Variants in KHDRBS2 observed in about 807,000 individuals in gnomAD.
KHDRBS2 encodes the protein KH domain-containing, RNA-binding, signal transduction-associated protein 2.
In KHDRBS2, 26 loss-of-function variants were observed where a neutral mutation model predicts 44.3. That is an observed-to-expected ratio of 0.59 (90% CI 0.43 to 0.81). The LOEUF is 0.81. KHDRBS2 is among the 40% of genes least tolerant of loss of function. The pLI is 0.00. For synonymous variants in KHDRBS2, 194 were observed against 151.1 expected (o/e 1.28, Z -2.08); for missense variants, 476 against 433.1 (o/e 1.10, Z -0.88).
intron 4 of KHDRBS2, among the ~76,000 whole-genome samples, chr6:61,917,106 G>A (rs1187337519): frequency 2.7e-5 from 4 of 150,072 alleles, no homozygotes; most frequent in African/African-American, 9.8e-5. Context: ...CTATCCAAAC[G>A]AGTTGAAAAC....
intron 6 of KHDRBS2, among the ~76,000 whole-genome samples, chr6:61,844,062 G>C (rs990224930): frequency 6.6e-6 from 1 of 152,076 alleles, no homozygotes; most frequent in Non-Finnish European, 1.5e-5. Context: ...TAGGGTACAG[G>C]GATGAAGGAG....
chr6:61,916,981 T>C lies in KHDRBS2; in HGVS notation c.484-15610A>G, dbSNP rs559444677. On this transcript the variant is annotated intron_variant, in intron 4 of 8. Transcript: ENST00000281156. ...GAACTCTGTATTTTTTTTTTTTTTTTTTTTTTTTGCTGGTGGGGATTCAAA... is the reference window on the plus strand; with the variant it reads ...GAACTCTGTATTTTTTTTTTTTTTTCTTTTTTTTGCTGGTGGGGATTCAAA... 2.0e-5 allele frequency among the ~76,000 whole-genome samples: 3 copies of C among 149,728 alleles called. No homozygotes were observed. In the East Asian group the frequency reaches 5.9e-4, roughly 29 times the overall value.
chr6:61,551,128 G>A, the KHDRBS2 span, among the ~76,000 whole-genome samples: 11 of 152,008 alleles, frequency 7.2e-5, no homozygotes, highest in Non-Finnish European at 1.0e-4. Context: ...TTAGTGATAA[G>A]CACTTTTTTC....
chr6:61,760,479 A>G (rs535261676), intron 6 of KHDRBS2, among the ~76,000 whole-genome samples: 8 of 152,114 alleles, frequency 5.3e-5, no homozygotes, highest in African/African-American at 1.9e-4. Flanking sequence ...CAAAAAATAC[A>G]AAAACTAGCT....
chr6:62,030,829 C>T (rs1784211996), intron 3 of KHDRBS2, among the ~76,000 whole-genome samples: 1 of 152,004 alleles, frequency 6.6e-6, no homozygotes, highest in African/African-American at 2.4e-5. Flanking sequence ...CACACAAAGA[C>T]ATATATAAAT....
the KHDRBS2 span, among the ~76,000 whole-genome samples, chr6:61,555,943 A>G: frequency 6.6e-6 from 1 of 152,216 alleles, no homozygotes; most frequent in African/African-American, 2.4e-5. Context: ...TCTAAAGGAC[A>G]GTGTTAGCCA....
At chr6:62,274,544 A>G (rs1225375525) in intron 1 of KHDRBS2, among the ~76,000 whole-genome samples, 2 of 152,190 alleles carry the variant, frequency 1.3e-5, no homozygotes, top group Non-Finnish European at 2.9e-5. Context: ...ACCAATTTGA[A>G]TAAATATTCT....
chr6:61,565,889 T>C, the KHDRBS2 span, among the ~76,000 whole-genome samples: 1 of 151,078 alleles, frequency 6.6e-6, no homozygotes, highest in Non-Finnish European at 1.5e-5. Flanking sequence ...GAAATCAGTA[T>C]ATTGAAGAGA....
intron 4 of KHDRBS2, among the ~76,000 whole-genome samples, chr6:61,914,402 C>T (rs551228252): frequency 4.0e-5 from 6 of 151,426 alleles, no homozygotes; most frequent in African/African-American, 1.5e-4. Context: ...AGCAAACTAT[C>T]GCAAGGACAA....
chr6:62,280,812 C>G (rs1841690127), intron 1 of KHDRBS2, among the ~76,000 whole-genome samples: 1 of 152,100 alleles, frequency 6.6e-6, no homozygotes, highest in Non-Finnish European at 1.5e-5. Flanking sequence ...AAGGATTTAA[C>G]TACAGAATGA....
intron 2 of KHDRBS2, among the ~76,000 whole-genome samples, chr6:62,104,832 T>C (rs1802775835): frequency 6.6e-6 from 1 of 151,822 alleles, no homozygotes; most frequent in African/African-American, 2.4e-5. Context: ...TAGATAATAA[T>C]AGAGTAAAAT....
At chr6:61,957,564 G>T (rs185521253) in intron 4 of KHDRBS2, among the ~76,000 whole-genome samples, 5 of 152,248 alleles carry the variant, frequency 3.3e-5, no homozygotes, top group Admixed American at 1.3e-4. Flanking sequence ...CCGGTCTCCC[G>T]TAGTGCTCCC....
At chr6:61,700,430 G>C (rs1324968350) in intron 7 of KHDRBS2, among the ~76,000 whole-genome samples, 1 of 149,458 alleles carries the variant, frequency 6.7e-6, no homozygotes, top group South Asian at 2.1e-4. Flanking sequence ...GAGCATACTA[G>C]ATATTTGTAA....
At chr6:61,811,648 G>T (rs995300745) in intron 6 of KHDRBS2, among the ~76,000 whole-genome samples, 4 of 152,078 alleles carry the variant, frequency 2.6e-5, no homozygotes, top group African/African-American at 9.7e-5. Context: ...GTCTGACCGT[G>T]TGAGTGAACC....
intron 2 of KHDRBS2, among the ~76,000 whole-genome samples, chr6:62,052,031 C>T (rs1480811775): frequency 6.6e-6 from 1 of 151,240 alleles, no homozygotes; most frequent in Non-Finnish European, 1.5e-5. Flanking sequence ...TTGTAGACTG[C>T]CCATGGGAAT....
At chr6:62,059,934 G>A (rs1162454246) in intron 2 of KHDRBS2, among the ~76,000 whole-genome samples, 1 of 151,784 alleles carries the variant, frequency 6.6e-6, no homozygotes, top group Non-Finnish European at 1.5e-5. Flanking sequence ...TGTATCATAT[G>A]ACAATTATGT....
At chr6:62,247,442 C>A (rs1369166385) in intron 1 of KHDRBS2, among the ~76,000 whole-genome samples, 2 of 151,798 alleles carry the variant, frequency 1.3e-5, no homozygotes, top group Non-Finnish European at 2.9e-5. Flanking sequence ...AAATTTCTAG[C>A]TTTTGAAGAG....
At chr6:61,851,979 T>C (rs1206855818) in intron 6 of KHDRBS2, among the ~76,000 whole-genome samples, 2 of 152,152 alleles carry the variant, frequency 1.3e-5, no homozygotes, top group African/African-American at 4.8e-5. Flanking sequence ...CCCAGCACTT[T>C]GGGAGGCCGA....
chr6:61,858,829 A>T (rs1264493713), intron 6 of KHDRBS2, among the ~76,000 whole-genome samples: 1 of 151,954 alleles, frequency 6.6e-6, no homozygotes, highest in Non-Finnish European at 1.5e-5. Context: ...TTTGTACATA[A>T]CAGTCGTATA....
Sources: allele counts gnomAD v4.1 joint callset (sites outside exome capture counted in the v4.1 genomes callset), GRCh38; gene constraint gnomAD v4.1.1; transcripts MANE v1.5; gene names NCBI Gene and HGNC (gene_info 2026-07-23, HGNC 2026-07-21).